The following TUBB6 variants were observed in gnomAD, a reference collection of about 807,000 sequenced individuals.
TUBB6 encodes the protein tubulin beta 6 class V, also known as tubulin beta-6 chain.
Under a neutral mutation model 32.3 loss-of-function variants are expected in TUBB6, and 18 were observed. That is an observed-to-expected ratio of 0.56 (90% CI 0.39 to 0.83). The LOEUF is 0.83. Ranked by LOEUF, TUBB6 falls within the 40% of genes least tolerant of loss-of-function variation. The pLI, the probability that TUBB6 is intolerant of heterozygous loss-of-function variation, is 0.00. For synonymous variants in TUBB6, 280 were observed against 265.8 expected, an observed-to-expected ratio of 1.05 and a Z score of -0.52; for missense variants, 480 against 632.0, an observed-to-expected ratio of 0.76 and a Z score of 2.58.
rs371898363 is a variant in TUBB6, at chr18:12,325,747, C to A, written c.958C>A (p.Pro320Thr). ...GACCGTGGCCACCGTGTTCCGCGGG[C>A]CCATGTCCATGAAGGAGGTGGACGA... ...YLTVATVFRG[P>T]MSMKEVDEQM... Residue 320 changes from proline to threonine, a missense_variant, in exon 4 of 4, where the codon CCC (proline) becomes ACC (threonine). Transcript: ENST00000317702. 2.5e-5 allele frequency: 40 copies of A among 1,614,126 alleles called. No homozygotes were observed. The highest frequency in any genetic ancestry group is 4.0e-5 in the African/African-American group (3 of 74,952).
intron 3 of TUBB6, among the ~76,000 whole-genome samples, chr18:12,321,659 C>T (rs1229488699): frequency 1.3e-5 from 2 of 152,022 alleles, no homozygotes; most frequent in South Asian, 2.1e-4. Flanking sequence ...TGCCACCAGC[C>T]GTGTGTAGAC....
chr18:12,317,670 T>C (rs8099636), intron 3 of TUBB6, among the ~76,000 whole-genome samples: 120,141 of 152,162 alleles, frequency 0.79, 48,680 homozygotes, highest in Non-Finnish European at 0.88. Flanking sequence ...TTGACACTTA[T>C]TCCATCACCC....
chr18:12,325,862 C>T lies in TUBB6; in HGVS notation c.1073C>T (p.Pro358Leu). ...NVKVAVCDIP[P>L]RGLKMASTFI... Reference sequence around the variant, plus strand: ...AAGGTGGCCGTGTGCGACATCCCGCCCCGCGGCCTGAAGATGGCCTCCACC... The same window carrying T: ...AAGGTGGCCGTGTGCGACATCCCGCTCCGCGGCCTGAAGATGGCCTCCACC... The change falls in exon 4 of 4, where the codon CCC (proline) becomes CTC (leucine). Residue 358 changes from proline to leucine, a missense_variant. Physicochemically the swap from Pro to Leu is moderately conservative, Grantham distance 98. Coordinates refer to ENST00000317702, the MANE Select transcript of TUBB6 (RefSeq NM_032525.3). 1.2e-6 allele frequency: 2 copies of T among 1,614,196 alleles called. No homozygotes were observed. The highest frequency in any genetic ancestry group is 1.7e-6 in the Non-Finnish European group (2 of 1,180,048).
chr18:12,325,130 A>G lies in TUBB6; in HGVS notation c.341A>G (p.Asp114Gly). ...TACACGGAGGGCGCGGAGCTGGTGG[A>G]CGCAGTGCTGGACGTGGTGCGGAAG... is the stretch of plus-strand genomic sequence containing the variant. ...GHYTEGAELV[D>G]AVLDVVRKEC... The change falls in exon 4 of 4, where the codon GAC (aspartate) becomes GGC (glycine). Residue 114 changes from aspartate (D) to glycine (G), a missense_variant. Physicochemically the swap from Asp to Gly is moderately conservative, Grantham distance 94. Transcript: ENST00000317702. 2 of 1,608,036 alleles carry G rather than the reference A, an allele frequency of 1.2e-6. No homozygotes were observed. Among genetic ancestry groups the G allele is most frequent in the Non-Finnish European group, 1.7e-6 (2 of 1,176,012 alleles).
intron 3 of TUBB6, among the ~76,000 whole-genome samples, chr18:12,322,493 TA>T (rs1018777646): frequency 1.3e-5 from 2 of 152,084 alleles, no homozygotes; most frequent in Non-Finnish European, 2.9e-5. Flanking sequence ...TAGCTGGGAC[TA>T]CAGGCATGCA....
chr18:12,327,970 C>G (rs1907391508), downstream of TUBB6, among the ~76,000 whole-genome samples: 1 of 152,260 alleles, frequency 6.6e-6, no homozygotes, highest in South Asian at 2.1e-4. Flanking sequence ...ACCCAGCACC[C>G]TCACAACTGT....
intron 3 of TUBB6, chr18:12,320,484 T>C (rs1031899089): frequency 2.0e-5 from 3 of 152,208 alleles, no homozygotes; most frequent in African/African-American, 7.2e-5. Context: ...AGTGAAAAGT[T>C]GATCTCCTTC....
chr18:12,308,824 C>A, intron 2 of TUBB6, 29 bp downstream of exon 2: 4 of 1,444,238 alleles, frequency 2.8e-6, no homozygotes, highest in Non-Finnish European at 3.9e-6. Flanking sequence ...GCGCCCTGCC[C>A]GGCCGGGACC....
Position 12,325,608 on chromosome 18 carries a change from C to T in TUBB6, c.819C>T (p.Leu273=). 2 of 1,613,784 alleles carry T rather than the reference C, an allele frequency of 1.2e-6. No individual in the cohort carries two copies. The highest frequency in any genetic ancestry group is 1.7e-6 in the Non-Finnish European group (2 of 1,179,944). The change falls in exon 4 of 4, where the codon CTC becomes CTT. Residue 273 remains leucine (L), a synonymous_variant. Coordinates refer to ENST00000317702, the MANE Select transcript of TUBB6 (RefSeq NM_032525.3). ...TCTTCATGCCTGGCTTCGCGCCGCT[C>T]ACCAGCCGCGGCAGCCAGCAGTACC... ...LHFFMPGFAP[L]TSRGSQQYRA...
At chr18:12,323,066 T>TTA (rs1279380704) in intron 3 of TUBB6, among the ~76,000 whole-genome samples, 1 of 152,152 alleles carries the variant, frequency 6.6e-6, no homozygotes, top group African/African-American at 2.4e-5. Context: ...CAAATGTTCA[T>TTA]TAGCCAAGTG....
chr18:12,326,634 A>G (rs1907348448), downstream of TUBB6: 1 of 160,604 alleles, frequency 6.2e-6, no homozygotes, highest in Admixed American at 5.8e-5. Flanking sequence ...TACTTGGGTC[A>G]CTGGTCTCTC....
chr18:12,307,971 G>T (rs62098961), upstream of TUBB6: 102,602 of 151,930 alleles, frequency 0.68, 36,162 homozygotes, highest in Non-Finnish European at 0.78. Flanking sequence ...TCTCCCTCTG[G>T]CGGGGCACCA....
chr18:12,311,072 ACTTT>A lies in TUBB6; in HGVS notation c.277+23_277+26del, dbSNP rs1229817885. 1 of 1,566,858 alleles carries A rather than the reference ACTTT, an allele frequency of 6.4e-7. No individual in the cohort carries two copies. On this transcript the variant is annotated intron_variant, in intron 3 of 3. Coordinates refer to ENST00000317702, the MANE Select transcript of TUBB6 (RefSeq NM_032525.3). ...ATCTTTGGTAGGTTCCATCTTTCTC[ACTTT>A]CTTCTTCTTCTTTTATTTTTTTAAA...
intron 3 of TUBB6, among the ~76,000 whole-genome samples, chr18:12,317,549 G>A (rs578228386): frequency 6.6e-6 from 1 of 152,338 alleles, no homozygotes; most frequent in South Asian, 2.1e-4. Context: ...AAAGTTTTGT[G>A]GGAAAAGAAT....
At chr18:12,311,730 C>T (rs907491501) in intron 3 of TUBB6, among the ~76,000 whole-genome samples, 3 of 152,128 alleles carry the variant, frequency 2.0e-5, no homozygotes, top group Non-Finnish European at 2.9e-5. Flanking sequence ...TTAGGTAAAT[C>T]CTTTTTTTCT....
At chr18:12,323,098 C>T (rs1202519758) in intron 3 of TUBB6, among the ~76,000 whole-genome samples, 1 of 151,862 alleles carries the variant, frequency 6.6e-6, no homozygotes, top group Non-Finnish European at 1.5e-5. Context: ...GCCTGTAGTC[C>T]CTGCTACTCA....
chr18:12,313,952 G>T (rs961320637), intron 3 of TUBB6, among the ~76,000 whole-genome samples: 2 of 152,196 alleles, frequency 1.3e-5, no homozygotes, highest in African/African-American at 4.8e-5. Context: ...CTGTAATAAA[G>T]ACCTGACTTG....
intron 3 of TUBB6, among the ~76,000 whole-genome samples, chr18:12,322,137 C>T (rs1907021547): frequency 6.6e-6 from 1 of 150,768 alleles, no homozygotes; most frequent in African/African-American, 2.4e-5. Flanking sequence ...CCTCTCTCTA[C>T]TAAAAAATAC....
chr18:12,325,554 G>A lies in TUBB6; in HGVS notation c.765G>A (p.Val255=). 6.2e-7 allele frequency: 1 copy of A among 1,614,166 alleles called. No individual in the cohort carries two copies. The highest frequency in any genetic ancestry group is 8.5e-7 in the Non-Finnish European group (1 of 1,180,032). ...QLNADLRKLA[V]NMVPFPRLHF... is the part of the protein sequence containing the mutation. ...ATGCTGACCTGCGCAAGCTGGCGGT[G>A]AACATGGTGCCCTTCCCGCGCCTGC... The change falls in exon 4 of 4, where the codon GTG becomes GTA. Residue 255 remains valine (V), a synonymous_variant. Coordinates refer to ENST00000317702, the MANE Select transcript of TUBB6 (RefSeq NM_032525.3).
Sources: gnomAD v4.1 joint callset for allele counts (sites outside exome capture counted in the v4.1 genomes callset) on GRCh38, gnomAD v4.1.1 for gene constraint, MANE v1.5 for transcripts, NCBI Gene and HGNC (gene_info 2026-07-23, HGNC 2026-07-21) for gene names.